The following EMCN variants were observed in gnomAD, a reference collection of about 807,000 sequenced individuals.
EMCN encodes the protein endomucin.
In EMCN, 37 loss-of-function variants were observed where a neutral mutation model predicts 38.4. The observed-to-expected ratio is 0.96, with a 90% CI of 0.74 to 1.27. The LOEUF (loss-of-function observed/expected upper bound fraction) is 1.27, where lower values mean the gene tolerates loss of function less well. Among genes scored for constraint, EMCN ranks in the 50% most tolerant of loss-of-function variants. EMCN has a pLI of 0.00. For synonymous variants in EMCN, 95 were observed against 100.8 expected (o/e 0.94, Z 0.35); for missense variants, 318 against 302.8 (o/e 1.05, Z -0.37).
chr4:100,501,778 T>A (rs1729356311), intron 1 of EMCN, among the ~76,000 whole-genome samples: 2 of 152,114 alleles, frequency 1.3e-5, no homozygotes, highest in African/African-American at 4.8e-5. Flanking sequence ...TTTAATTATT[T>A]GTTGCATCAA....
intron 7 of EMCN, among the ~76,000 whole-genome samples, chr4:100,422,748 CACTAA>C (rs1726922872): frequency 6.6e-6 from 1 of 151,668 alleles, no homozygotes. Context: ...AATTGTTAAA[CACTAA>C]ACTAAGAAAA....
intron 11 of EMCN, among the ~76,000 whole-genome samples, chr4:100,406,503 T>C (rs905294941): frequency 6.6e-5 from 10 of 152,294 alleles, no homozygotes; most frequent in Admixed American, 5.2e-4. Context: ...CAAAAGTCAT[T>C]CAGGAGCAGA....
chr4:100,500,311 C>A (rs1186190616), intron 1 of EMCN, among the ~76,000 whole-genome samples: 1 of 152,194 alleles, frequency 6.6e-6, no homozygotes, highest in East Asian at 1.9e-4. Flanking sequence ...TTCTTAAACT[C>A]AAAATCTGAG....
chr4:100,439,483 T>G (rs1727449695), intron 5 of EMCN, among the ~76,000 whole-genome samples: 1 of 151,610 alleles, frequency 6.6e-6, no homozygotes, highest in Non-Finnish European at 1.5e-5. Context: ...AGGTGTTTCA[T>G]TTTTTTCGCT....
chr4:100,402,045 TATA>T (rs1402358650), intron 11 of EMCN, among the ~76,000 whole-genome samples: 1 of 152,202 alleles, frequency 6.6e-6, no homozygotes, highest in Non-Finnish European at 1.5e-5. Context: ...TTACTCATTA[TATA>T]ATGTCACTGT....
chr4:100,468,706 C>T (rs1308271495), intron 3 of EMCN, among the ~76,000 whole-genome samples: 2 of 151,802 alleles, frequency 1.3e-5, no homozygotes, highest in Non-Finnish European at 2.9e-5. Context: ...AAGAGCTGCA[C>T]ACTGAAAACT....
At chr4:100,477,294 C>T (rs1191867747) in intron 2 of EMCN, among the ~76,000 whole-genome samples, 2 of 152,052 alleles carry the variant, frequency 1.3e-5, no homozygotes, top group Non-Finnish European at 2.9e-5. Flanking sequence ...CTTTTTTATC[C>T]TAGAAGTTCA....
At chr4:100,489,523 T>G (rs962521522) in intron 1 of EMCN, among the ~76,000 whole-genome samples, 1 of 152,174 alleles carries the variant, frequency 6.6e-6, no homozygotes, top group Non-Finnish European at 1.5e-5. Context: ...TCCTGTTGTC[T>G]AATGACATCA....
chr4:100,471,702 G>A (rs192583566), intron 3 of EMCN, among the ~76,000 whole-genome samples: 3 of 151,842 alleles, frequency 2.0e-5, no homozygotes, highest in Admixed American at 2.0e-4. Context: ...TATAAATAAA[G>A]TTTAACACCA....
intron 11 of EMCN, among the ~76,000 whole-genome samples, chr4:100,401,181 C>T (rs1013609413): frequency 4.6e-5 from 7 of 152,008 alleles, no homozygotes; most frequent in East Asian, 1.9e-4. Context: ...TTATAGAGTA[C>T]GATCATAATA....
intron 5 of EMCN, among the ~76,000 whole-genome samples, chr4:100,434,076 G>T (rs1727280361): frequency 6.6e-6 from 1 of 152,038 alleles, no homozygotes; most frequent in Non-Finnish European, 1.5e-5. Flanking sequence ...ATAAATCAAT[G>T]AATCCAGGAG....
At chr4:100,457,190 T>TTGTGTG (rs58939159) in intron 4 of EMCN, among the ~76,000 whole-genome samples, 7 of 108,110 alleles carry the variant, frequency 6.5e-5, no homozygotes, top group Admixed American at 2.2e-4. Flanking sequence ...TATAGTTTGG[T>TTGTGTG]TGTGTGTGTG....
rs140820784 is a variant in EMCN at position 100,492,020 on chromosome 4, A to G, written c.65-11981T>C. ...GACTTAGGAAATGATGACACCTCCA[A>G]AAGAAACTATTAAAGTCCCAACAGT... On this transcript the variant is annotated intron_variant, in intron 1 of 11. Coordinates refer to ENST00000296420, the MANE Select transcript of EMCN (RefSeq NM_016242.4). Among the ~76,000 whole-genome samples the G allele has an allele frequency of 2.8e-3, 433 of 152,356 alleles. 4 individuals are homozygous for G. Among genetic ancestry groups the G allele is most frequent in the African/African-American group, 1.0e-2 (414 of 41,582 alleles).
Position 100,396,862 on chromosome 4 carries a change from T to C in EMCN, c.*1551A>G, listed in dbSNP as rs1726134344. On this transcript the variant is annotated 3_prime_UTR_variant, in exon 12 of 12. Transcript: ENST00000296420. ...AAGACTTCTAGATTAAAATTAAGCA[T>C]GGGCTCAACAGTTCTAAAGTGAAAA... 1 of 151,904 alleles carries C rather than the reference T, an allele frequency of 6.6e-6. No individual in the cohort carries two copies. The highest frequency in any genetic ancestry group is 6.6e-5 in the Admixed American group (1 of 15,240). The allele number at this position is 151,904 out of a possible 1,614,324, so 9.4% of individuals were successfully genotyped here. A position where few individuals can be genotyped will look rare whatever the true frequency, so the allele number is the denominator to read the frequency against.
chr4:100,452,350 A>T (rs1420336690), intron 4 of EMCN, among the ~76,000 whole-genome samples: 1 of 152,068 alleles, frequency 6.6e-6, no homozygotes, highest in Non-Finnish European at 1.5e-5. Flanking sequence ...TGTTATTAAG[A>T]AAAGCCAGAT....
intron 9 of EMCN, 44 bp downstream of exon 9, chr4:100,417,073 G>C: frequency 6.3e-7 from 1 of 1,592,542 alleles, no homozygotes; most frequent in East Asian, 2.2e-5. Flanking sequence ...TTTTCACTAC[G>C]TAAATGGTAG....
rs1266739594 is a variant in EMCN, at chr4:100,421,364, C to T, written c.582G>A (p.Pro194=). The change falls in exon 8 of 12, where the codon CCG becomes CCA. Residue 194 remains proline (P), a synonymous_variant. Transcript: ENST00000296420. ...TTATTACAATCAAAGCAATAACCACCGGCAAAATAATACCTAAAAAGAATT... is the reference window on the plus strand; with the variant it reads ...TTATTACAATCAAAGCAATAACCACTGGCAAAATAATACCTAAAAAGAATT... ...TSRSYSSIIL[P]VVIALIVITL... The T allele has an allele frequency of 1.8e-5, 29 of 1,611,886 alleles. No individual in the cohort carries two copies. In the East Asian group the frequency reaches 4.0e-4, roughly 22 times the overall value.
intron 5 of EMCN, among the ~76,000 whole-genome samples, chr4:100,440,306 T>G (rs985943306): frequency 6.6e-6 from 1 of 152,148 alleles, no homozygotes; most frequent in Non-Finnish European, 1.5e-5. Flanking sequence ...AATTATATAG[T>G]GGTGAATTCT....
chr4:100,408,543 A>G (rs1726458449), intron 11 of EMCN, among the ~76,000 whole-genome samples: 1 of 152,188 alleles, frequency 6.6e-6, no homozygotes, highest in African/African-American at 2.4e-5. Flanking sequence ...TAGTGCTTAA[A>G]CATAATGACT....
Sources: gnomAD v4.1 joint callset for allele counts (sites outside exome capture counted in the v4.1 genomes callset) on GRCh38, gnomAD v4.1.1 for gene constraint, MANE v1.5 for transcripts, NCBI Gene and HGNC (gene_info 2026-07-23, HGNC 2026-07-21) for gene names.